Variants in FBXW11 observed in about 807,000 individuals in gnomAD.
The protein encoded by FBXW11 is F-box and WD repeat domain containing 11, also known as F-box/WD repeat-containing protein 11.
FBXW11 carries 19 observed loss-of-function variants against 77.6 expected under a neutral mutation model. The ratio of observed to expected loss-of-function variants is 0.24; its 90% confidence interval spans 0.17 to 0.36. The LOEUF (loss-of-function observed/expected upper bound fraction) is 0.36. Ranked by LOEUF, FBXW11 falls within the 10% of genes least tolerant of loss-of-function variation. The pLI is 1.00. For missense variants in FBXW11, 334 were observed against 704.2 expected (o/e 0.47, Z 5.95); for synonymous variants, 235 against 249.4 (o/e 0.94, Z 0.54).
rs865895685 is a variant in FBXW11 at position 171,913,844 on chromosome 5, C to T, written c.210+499G>A. 7.3e-3 allele frequency among the ~76,000 whole-genome samples: 1,103 copies of T among 150,832 alleles called. 21 individuals are homozygous for T. The highest frequency in any genetic ancestry group is 0.024 in the African/African-American group (971 of 41,102). On this transcript the variant is annotated intron_variant, in intron 3 of 13. Coordinates refer to ENST00000517395, the MANE Select transcript of FBXW11 (RefSeq NM_001378974.1). The stretch of plus-strand genomic sequence containing the variant: ...ACACACACACACACACACACACACA[C>T]ACACACACACACACACACACACACA...
At chr5:171,999,024 G>T (rs903697111) in intron 1 of FBXW11, among the ~76,000 whole-genome samples, 1 of 152,054 alleles carries the variant, frequency 6.6e-6, no homozygotes, top group East Asian at 1.9e-4. Flanking sequence ...TGAAATACCG[G>T]TCTATGATTA....
intron 4 of FBXW11, among the ~76,000 whole-genome samples, chr5:171,901,805 T>C (rs962764897): frequency 1.3e-5 from 2 of 152,236 alleles, no homozygotes; most frequent in Admixed American, 6.5e-5. Context: ...TTATCCTTAC[T>C]ATAATTCACC....
intron 7 of FBXW11, among the ~76,000 whole-genome samples, chr5:171,886,226 G>A (rs1231926304): frequency 6.6e-6 from 1 of 152,160 alleles, no homozygotes; most frequent in Non-Finnish European, 1.5e-5. Context: ...TTAAGAAAAT[G>A]GAATACTATG....
intron 1 of FBXW11, among the ~76,000 whole-genome samples, chr5:171,974,664 T>C (rs770577993): frequency 7.9e-5 from 12 of 152,062 alleles, no homozygotes; most frequent in Non-Finnish European, 1.2e-4. Flanking sequence ...GGCTGCAGTG[T>C]GCTACGACTG....
At chr5:171,971,671 G>C (rs1295003283) in intron 1 of FBXW11, among the ~76,000 whole-genome samples, 1 of 152,180 alleles carries the variant, frequency 6.6e-6, no homozygotes, top group Non-Finnish European at 1.5e-5. Flanking sequence ...TGAGAAAAAG[G>C]GAAAAGTTGA....
At chr5:171,943,912 C>G (rs1023173652) in intron 2 of FBXW11, among the ~76,000 whole-genome samples, 10 of 152,128 alleles carry the variant, frequency 6.6e-5, no homozygotes, top group Admixed American at 1.3e-4. Context: ...ATGTTCAATC[C>G]TAGTGAAGGC....
At chr5:171,978,818 C>G (rs995752135) in intron 1 of FBXW11, among the ~76,000 whole-genome samples, 3 of 152,192 alleles carry the variant, frequency 2.0e-5, no homozygotes, top group Non-Finnish European at 4.4e-5. Flanking sequence ...AGAACTACAG[C>G]TAATTTTAAC....
intron 1 of FBXW11, among the ~76,000 whole-genome samples, chr5:171,985,631 G>A (rs137915367): frequency 1.3e-5 from 2 of 152,156 alleles, no homozygotes; most frequent in African/African-American, 4.8e-5. Flanking sequence ...AGCTGGGCAT[G>A]GTGGCATGCT....
intron 1 of FBXW11, among the ~76,000 whole-genome samples, chr5:172,005,376 C>T (rs1478140739): frequency 6.6e-6 from 1 of 152,220 alleles, no homozygotes; most frequent in African/African-American, 2.4e-5. Context: ...ACTTCCTCTT[C>T]CCAGCTCTCC....
chr5:171,933,602 G>A (rs1348700600), intron 2 of FBXW11, among the ~76,000 whole-genome samples: 2 of 152,078 alleles, frequency 1.3e-5, no homozygotes, highest in Non-Finnish European at 2.9e-5. Context: ...TATGTGGGTA[G>A]AAGGGATCCT....
At chr5:171,906,414 T>C (rs777684353) in intron 4 of FBXW11, among the ~76,000 whole-genome samples, 9 of 152,186 alleles carry the variant, frequency 5.9e-5, no homozygotes, top group Non-Finnish European at 1.0e-4. Flanking sequence ...AAGTCTAACA[T>C]CTTTTTTCCA....
chr5:171,886,981 T>C (rs1218710506), intron 7 of FBXW11, among the ~76,000 whole-genome samples: 1 of 151,974 alleles, frequency 6.6e-6, no homozygotes, highest in Non-Finnish European at 1.5e-5. Flanking sequence ...ATCATGCCAC[T>C]GCACTCCAGC....
chr5:171,885,972 G>A (rs1329700485), intron 7 of FBXW11, among the ~76,000 whole-genome samples: 1 of 152,190 alleles, frequency 6.6e-6, no homozygotes, highest in Non-Finnish European at 1.5e-5. Context: ...TCTTCAAAGC[G>A]CACTTCTGCT....
intron 2 of FBXW11, among the ~76,000 whole-genome samples, chr5:171,921,734 T>G (rs763479322): frequency 6.6e-6 from 1 of 152,166 alleles, no homozygotes; most frequent in African/African-American, 2.4e-5. Context: ...AAAGCAAGAT[T>G]CAAAAAGAAG....
chr5:171,957,014 C>T (rs755781897), intron 2 of FBXW11, among the ~76,000 whole-genome samples: 19 of 152,186 alleles, frequency 1.2e-4, no homozygotes, highest in Non-Finnish European at 1.8e-4. Context: ...CTGCCGGCCT[C>T]GGCCTGGAAA....
intron 2 of FBXW11, among the ~76,000 whole-genome samples, chr5:171,944,535 C>A (rs1359608960): frequency 7.0e-6 from 1 of 143,632 alleles, no homozygotes; most frequent in Non-Finnish European, 1.5e-5. Context: ...GGAGATCGCG[C>A]CACTGCACTC....
intron 2 of FBXW11, among the ~76,000 whole-genome samples, chr5:171,944,910 G>A (rs1762930866): frequency 6.6e-6 from 1 of 152,078 alleles, no homozygotes; most frequent in Non-Finnish European, 1.5e-5. Flanking sequence ...CTTAGAAATA[G>A]CCTTTCCTTC....
At chr5:171,867,823 T>C (rs1307971449) in intron 13 of FBXW11, 1 of 152,230 alleles carries the variant, frequency 6.6e-6, no homozygotes, top group African/African-American at 2.4e-5. Context: ...TATATACATA[T>C]ATCCATAGTA....
chr5:171,926,842 A>G (rs1761915595), intron 2 of FBXW11, among the ~76,000 whole-genome samples: 1 of 152,236 alleles, frequency 6.6e-6, no homozygotes, highest in Non-Finnish European at 1.5e-5. Context: ...CTTAGCACTT[A>G]GAATAATTCC....
Sources: gnomAD v4.1 joint callset for allele counts (sites outside exome capture counted in the v4.1 genomes callset) on GRCh38, gnomAD v4.1.1 for gene constraint, MANE v1.5 for transcripts, NCBI Gene and HGNC (gene_info 2026-07-23, HGNC 2026-07-21) for gene names.